TGIF1: variants seen among roughly 807,000 people sequenced by gnomAD.
TGIF1 encodes the protein homeobox protein TGIF1.
TGIF1 carries 4 observed loss-of-function variants against 19.3 expected under a neutral mutation model. The ratio of observed to expected loss-of-function variants is 0.21; its 90% CI spans 0.10 to 0.47. The LOEUF (loss-of-function observed/expected upper bound fraction) is 0.47, where lower values mean the gene tolerates loss of function less well. Ranked by LOEUF, TGIF1 falls within the 20% of genes least tolerant of loss-of-function variation. The probability of loss-of-function intolerance (pLI) is 0.98; values close to 1 mark genes in which losing one functional copy is unlikely to be tolerated. For missense variants in TGIF1, 275 were observed against 341.4 expected, an observed-to-expected ratio of 0.81 and a Z score of 1.53; for synonymous variants, 122 against 129.3, an observed-to-expected ratio of 0.94 and a Z score of 0.38.
chr18:3,421,385 T>TTA (rs60744195), intron 2 of TGIF1, among the ~76,000 whole-genome samples: 3,839 of 86,524 alleles, frequency 0.044, 554 homozygotes, highest in African/African-American at 0.17. Flanking sequence ...ATATATACAT[T>TTA]TATATATATA....
chr18:3,436,975 C>T (rs916880244), intron 2 of TGIF1, among the ~76,000 whole-genome samples: 1 of 152,048 alleles, frequency 6.6e-6, no homozygotes, highest in African/African-American at 2.4e-5. Flanking sequence ...CCTGGTGGCT[C>T]ATGCCTGTAA....
chr18:3,451,974 T>A lies in TGIF1; in HGVS notation c.16+1469T>A. Reference sequence around the variant, plus strand: ...GGGAATAAGTGAGGGGCTCTGTGTTTCGAGGATGGTTCTAGCGCAGAGCCG... The same window carrying A: ...GGGAATAAGTGAGGGGCTCTGTGTTACGAGGATGGTTCTAGCGCAGAGCCG... On this transcript the variant is annotated intron_variant, in intron 1 of 2. Transcript: ENST00000343820. The surrounding 1 kb of genome is among the most constrained non-coding windows in gnomAD (Gnocchi z 5.4). The A allele has an allele frequency of 6.3e-7, 1 of 1,576,248 alleles. No individual in the cohort carries two copies. Among genetic ancestry groups the A allele is most frequent in the Non-Finnish European group, 8.6e-7 (1 of 1,159,178 alleles).
At chr18:3,416,288 GGT>G in intron 1 of TGIF1, among the ~76,000 whole-genome samples, 1 of 152,260 alleles carries the variant, frequency 6.6e-6, no homozygotes, top group South Asian at 2.1e-4. Context: ...GGGAGGCCAA[GGT>G]AGGTGGATTG....
chr18:3,454,583 GTT>G (rs754131729), intron 1 of TGIF1, among the ~76,000 whole-genome samples: 12 of 152,104 alleles, frequency 7.9e-5, no homozygotes, highest in Non-Finnish European at 1.5e-4. Flanking sequence ...TTTATTAATA[GTT>G]CTTCACCCAA....
At chr18:3,422,296 TA>T (rs34822467) in intron 2 of TGIF1, among the ~76,000 whole-genome samples, 9,131 of 80,424 alleles carry the variant, frequency 0.11, 814 homozygotes, top group African/African-American at 0.28. Context: ...GTTTAAAAAG[TA>T]AAAAAAAAAA....
intron 2 of TGIF1, among the ~76,000 whole-genome samples, chr18:3,422,559 G>A (rs2082414110): frequency 6.6e-6 from 1 of 151,578 alleles, no homozygotes; most frequent in Admixed American, 6.6e-5. Context: ...CTACAATAGT[G>A]TACAGTAATA....
chr18:3,428,687 A>C (rs1336364759), intron 2 of TGIF1, among the ~76,000 whole-genome samples: 1 of 152,046 alleles, frequency 6.6e-6, no homozygotes, highest in African/African-American at 2.4e-5. Flanking sequence ...CAGTGAGCCA[A>C]AATCGCACCA....
chr18:3,451,022 T>C lies in TGIF1; in HGVS notation c.16+517T>C, dbSNP rs2082907612. Among the ~76,000 whole-genome samples the C allele has an allele frequency of 6.8e-6, 1 of 147,300 alleles. No homozygotes were observed. Among genetic ancestry groups the C allele is most frequent in the African/African-American group, 2.5e-5 (1 of 40,394 alleles). On this transcript the variant is annotated intron_variant, in intron 1 of 2. Transcript: ENST00000343820. This position sits in a 1 kb window ranked among gnomAD's most constrained non-coding sequence, Gnocchi z 5.4. ...CCCAGCCGGGCCCTAGCACTGTTCTTTAGGGATGTGGTGTTTTTACGATCG... is the reference window on the plus strand; with the variant it reads ...CCCAGCCGGGCCCTAGCACTGTTCTCTAGGGATGTGGTGTTTTTACGATCG...
intron 2 of TGIF1, among the ~76,000 whole-genome samples, chr18:3,426,699 A>T (rs1373027382): frequency 6.6e-6 from 1 of 152,182 alleles, no homozygotes; most frequent in African/African-American, 2.4e-5. Context: ...ATATCTAACA[A>T]AGCCACACGT....
intron 2 of TGIF1, among the ~76,000 whole-genome samples, chr18:3,438,300 C>G (rs1198050071): frequency 6.6e-6 from 1 of 151,932 alleles, no homozygotes; most frequent in African/African-American, 2.4e-5. Flanking sequence ...TATTTAGTCA[C>G]AAATTACAGA....
chr18:3,456,309 C>T lies in TGIF1; in HGVS notation c.17-45C>T. On this transcript the variant is annotated intron_variant, in intron 1 of 2. Coordinates refer to ENST00000343820, the MANE Select transcript of TGIF1 (RefSeq NM_003244.4). The surrounding 1 kb of genome is among the most constrained non-coding windows in gnomAD (Gnocchi z 4.2). The stretch of plus-strand genomic sequence containing the variant: ...CGTTAAGTGAGCTTTGCAATAGTTG[C>T]TGTGCTTATAAAGCAACTGACAACT... The T allele has an allele frequency of 2.1e-5, 33 of 1,556,744 alleles. No individual in the cohort carries two copies. Among genetic ancestry groups the T allele is most frequent in the Non-Finnish European group, 2.8e-5 (32 of 1,128,230 alleles).
intron 2 of TGIF1, among the ~76,000 whole-genome samples, chr18:3,439,894 G>A (rs989377254): frequency 4.6e-5 from 7 of 151,828 alleles, no homozygotes; most frequent in Non-Finnish European, 1.0e-4. Context: ...TGTCGTGGGC[G>A]CCTTTGGTCC....
chr18:3,429,513 T>A (rs1238513348), intron 2 of TGIF1, among the ~76,000 whole-genome samples: 1 of 152,180 alleles, frequency 6.6e-6, no homozygotes, highest in Non-Finnish European at 1.5e-5. Flanking sequence ...AAATTTAAAT[T>A]TAAATTTAAT....
At position 3,457,562 on chromosome 18, in the gene TGIF1, G is replaced by T; in HGVS notation, c.441G>T (p.Gly147=). The change falls in exon 3 of 3, where the codon GGG becomes GGT. Residue 147 remains glycine (G), a synonymous_variant. Coordinates refer to ENST00000343820, the MANE Select transcript of TGIF1 (RefSeq NM_003244.4). This position sits in a 1 kb window ranked among gnomAD's most constrained non-coding sequence, Gnocchi z 4.9. The part of the protein sequence containing the change: ...EETPFHSCTA[G]PNPTLGRPLS... ...CCCCATTTCATTCCTGTACAGCTGG[G>T]CCAAACCCAACCCTAGGGAGGCCAC... 5.0e-6 allele frequency: 8 copies of T among 1,614,146 alleles called. No individual in the cohort carries two copies. Among genetic ancestry groups the T allele is most frequent in the Non-Finnish European group, 6.8e-6 (8 of 1,180,022 alleles).
upstream of TGIF1, chr18:3,448,033 G>A (rs774994279): frequency 6.6e-5 from 64 of 975,518 alleles, no homozygotes; most frequent in Non-Finnish European, 7.5e-5. Flanking sequence ...GAACCACGGG[G>A]AAGAGGGAAA....
chr18:3,433,930 G>A (rs1265161179), intron 2 of TGIF1, among the ~76,000 whole-genome samples: 3 of 152,102 alleles, frequency 2.0e-5, no homozygotes, highest in Non-Finnish European at 4.4e-5. Context: ...AGTAAATGAG[G>A]GTTCACAGTC....
At position 3,419,523 on chromosome 18, in the gene TGIF1, G is replaced by GT. The variant is rs551932776; in HGVS notation, c.-45+1314dup. Among the ~76,000 whole-genome samples, 51 of 152,274 alleles carry GT rather than the reference G, an allele frequency of 3.3e-4. No homozygotes were observed. The South Asian group carries it at 1.0e-2, about 30-fold the overall frequency. ...TGTTGGTTAGTTGGTTGGTTAGTTG[G>GT]TTTTTTCTATCCTTTCTTTTGAAGC... On this transcript the variant is annotated intron_variant, in intron 2 of 3. Transcript: ENST00000401449.
chr18:3,448,713 GTGTCTTT>G (rs773117738), upstream of TGIF1: 19 of 689,016 alleles, frequency 2.8e-5, no homozygotes, highest in Non-Finnish European at 3.0e-5. Flanking sequence ...AGGGGCGGGG[GTGTCTTT>G]TTTTTTTTTT....
upstream of TGIF1, chr18:3,447,827 C>T (rs113866405): frequency 2.5e-6 from 4 of 1,613,748 alleles, no homozygotes; most frequent in Non-Finnish European, 3.4e-6. Flanking sequence ...TTTTCCTCCC[C>T]CTAATTCGAA....
Sources: gnomAD v4.1 joint callset for allele counts (sites outside exome capture counted in the v4.1 genomes callset) on GRCh38, gnomAD v4.1.1 for gene constraint, Gnocchi (gnomAD v3.1) non-coding constraint, MANE v1.5 for transcripts, NCBI Gene and HGNC (gene_info 2026-07-23, HGNC 2026-07-21) for gene names.